Variants in CLEC16A observed in about 807,000 individuals in gnomAD.
CLEC16A encodes the protein protein CLEC16A.
A neutral mutation model predicts 109.5 loss-of-function variants in CLEC16A; 51 were observed. The ratio of observed to expected loss-of-function variants is 0.47; its 90% CI spans 0.37 to 0.59. The LOEUF (loss-of-function observed/expected upper bound fraction) is 0.59. Among genes scored for constraint, CLEC16A ranks in the 20% least tolerant of loss-of-function variants. CLEC16A has a pLI of 0.00. For missense variants in CLEC16A, 1,339 were observed against 1,394.0 expected (o/e 0.96, Z 0.63); for synonymous variants, 673 against 564.2 (o/e 1.19, Z -2.73).
intron 19 of CLEC16A, among the ~76,000 whole-genome samples, chr16:11,072,831 C>T (rs11865121): frequency 1.3e-5 from 2 of 152,044 alleles, no homozygotes; most frequent in Admixed American, 6.5e-5. Flanking sequence ...GGTTCTTTGT[C>T]GGAATCCTAA....
At chr16:11,141,520 G>T (rs529700763) in intron 22 of CLEC16A, among the ~76,000 whole-genome samples, 4 of 152,376 alleles carry the variant, frequency 2.6e-5, no homozygotes, top group African/African-American at 7.2e-5. Context: ...GGGATCTGGA[G>T]GGGTGCAAGG....
chr16:11,107,924 C>T (rs2051323221), intron 19 of CLEC16A, among the ~76,000 whole-genome samples: 1 of 152,230 alleles, frequency 6.6e-6, no homozygotes, highest in African/African-American at 2.4e-5. Context: ...CCTCTCCCCT[C>T]CACCCCGCAC....
At chr16:11,064,719 G>T (rs1331287172) in intron 19 of CLEC16A, among the ~76,000 whole-genome samples, 1 of 152,224 alleles carries the variant, frequency 6.6e-6, no homozygotes, top group African/African-American at 2.4e-5. Context: ...TGAGGCTGCA[G>T]TGAACCCTGA....
At chr16:11,043,755 C>T (rs188991566) in intron 15 of CLEC16A, among the ~76,000 whole-genome samples, 73 of 152,114 alleles carry the variant, frequency 4.8e-4, no homozygotes, top group African/African-American at 1.6e-3. Flanking sequence ...ATACCAGCTA[C>T]TCGGGAGGTT....
At chr16:10,953,934 A>T (rs2041859232) in intron 1 of CLEC16A, among the ~76,000 whole-genome samples, 2 of 151,138 alleles carry the variant, frequency 1.3e-5, no homozygotes, top group Non-Finnish European at 1.5e-5. Flanking sequence ...TGGAGATCGC[A>T]CCACTGCACT....
intron 19 of CLEC16A, among the ~76,000 whole-genome samples, chr16:11,113,406 T>C (rs1288392792): frequency 6.6e-6 from 1 of 152,194 alleles, no homozygotes; most frequent in Non-Finnish European, 1.5e-5. Context: ...CGGCCTGTAA[T>C]TCCAGCACTT....
chr16:11,092,401 C>CACACACACACACACAT (rs1491089667), intron 19 of CLEC16A, among the ~76,000 whole-genome samples: 10 of 144,576 alleles, frequency 6.9e-5, no homozygotes, highest in Admixed American at 4.8e-4. Context: ...CACACACACA[C>CACACACACACACACAT]ATGCCAGGTG....
rs2048743319 is a variant in CLEC16A at position 11,066,143 on chromosome 16, C to T, written c.2116+5121C>T. Among the ~76,000 whole-genome samples, 3 of 152,166 alleles carry T rather than the reference C, an allele frequency of 2.0e-5. No homozygotes were observed. In the South Asian group the frequency reaches 6.2e-4, roughly 32 times the overall value. The stretch of plus-strand genomic sequence containing the variant: ...CTTAAGGGAACTGAGTCTCCCGGCA[C>T]TTCAGTTTCCACAGCTGTGAAATAG... On this transcript the variant is annotated intron_variant, in intron 19 of 23. Transcript: ENST00000409790.
chr16:11,166,605 C>G (rs2068274501), intron 23 of CLEC16A, 53 bp downstream of exon 23: 3 of 1,490,340 alleles, frequency 2.0e-6, no homozygotes, highest in African/African-American at 1.4e-5. Context: ...CCCCGTGATC[C>G]CTCACCATTA....
At position 11,047,292 on chromosome 16, in the gene CLEC16A, G is replaced by A; in HGVS notation, c.1816G>A (p.Gly606Arg). 6.2e-7 allele frequency: 1 copy of A among 1,608,704 alleles called. No homozygotes were observed. Among genetic ancestry groups the A allele is most frequent in the Non-Finnish European group, 8.5e-7 (1 of 1,177,282 alleles). ...SVHLVRHFYK[G>R]EDIFLDMFED... ...CTTCCCTCCCTTCCTTTCTTTTTAG[G>A]GAGAAGACATTTTTTTGGACATGTT... The change falls in exon 17 of 24, where the codon GGA becomes AGA. Residue 606 changes from glycine (G) to arginine (R), a missense_variant and splice_region_variant. Physicochemically the swap from Gly to Arg is moderately radical, Grantham distance 125. This residue lies in a region of CLEC16A where 1,061 missense variants were observed against 1,006.8 expected (regional missense o/e 1.05). Coordinates refer to ENST00000409790, the MANE Select transcript of CLEC16A (RefSeq NM_015226.3).
chr16:11,140,288 A>G (rs1019721266), intron 22 of CLEC16A, among the ~76,000 whole-genome samples: 1 of 152,176 alleles, frequency 6.6e-6, no homozygotes, highest in Non-Finnish European at 1.5e-5. Context: ...GTTGAACCTC[A>G]CGGATGGCTG....
chr16:10,964,425 G>A (rs558074132), intron 3 of CLEC16A, among the ~76,000 whole-genome samples: 1 of 152,336 alleles, frequency 6.6e-6, no homozygotes, highest in African/African-American at 2.4e-5. Context: ...GCCCCACACT[G>A]GCTCCCTGCA....
intron 19 of CLEC16A, among the ~76,000 whole-genome samples, chr16:11,079,867 C>T (rs1041609222): frequency 2.6e-5 from 4 of 152,184 alleles, no homozygotes; most frequent in African/African-American, 9.7e-5. Context: ...TTTGCTGCCT[C>T]CAGTCTGATG....
chr16:11,067,040 T>C (rs1210726748), intron 19 of CLEC16A, among the ~76,000 whole-genome samples: 4 of 152,094 alleles, frequency 2.6e-5, no homozygotes, highest in African/African-American at 9.7e-5. Flanking sequence ...ATTGTTAATA[T>C]TGAGTAGGTA....
At chr16:10,984,122 G>A (rs2043486590) in intron 10 of CLEC16A, among the ~76,000 whole-genome samples, 1 of 152,096 alleles carries the variant, frequency 6.6e-6, no homozygotes, top group African/African-American at 2.4e-5. Flanking sequence ...AGCTCGCCCT[G>A]GGGTAGTAGA....
chr16:11,042,437 A>T (rs556658705), intron 15 of CLEC16A, 74 bp downstream of exon 15: 19 of 1,222,094 alleles, frequency 1.6e-5, no homozygotes, highest in Non-Finnish European at 3.5e-6. Flanking sequence ...AGCTGCTGGC[A>T]TCCAGATAGG....
intron 11 of CLEC16A, among the ~76,000 whole-genome samples, chr16:11,006,011 G>A (rs2047862459): frequency 1.3e-5 from 2 of 151,846 alleles, no homozygotes; most frequent in South Asian, 4.2e-4. Flanking sequence ...GCGATTGCAA[G>A]ATTTAGAAAT....
intron 19 of CLEC16A, among the ~76,000 whole-genome samples, chr16:11,118,373 G>A (rs1567343694): frequency 6.6e-6 from 1 of 151,952 alleles, no homozygotes; most frequent in East Asian, 1.9e-4. Context: ...GATAAGGGAC[G>A]TTAATTCTCA....
intron 11 of CLEC16A, among the ~76,000 whole-genome samples, chr16:11,009,748 A>T (rs1002458254): frequency 5.3e-5 from 8 of 152,202 alleles, no homozygotes; most frequent in African/African-American, 1.9e-4. Flanking sequence ...GGCAGAGACT[A>T]ATGCCTTGGT....
Sources: gnomAD v4.1 joint callset for allele counts (sites outside exome capture counted in the v4.1 genomes callset) on GRCh38, gnomAD v4.1.1 for gene constraint, gnomAD v4.1.1 regional missense constraint, MANE v1.5 for transcripts, NCBI Gene and HGNC (gene_info 2026-07-23, HGNC 2026-07-21) for gene names.